The following PDE3B variants were observed in gnomAD, a reference collection of about 807,000 sequenced individuals.
PDE3B encodes phosphodiesterase 3B, also known as cGMP-inhibited 3',5'-cyclic phosphodiesterase 3B.
A neutral mutation model predicts 116.8 loss-of-function variants in PDE3B; 66 were observed. The ratio of observed to expected loss-of-function variants is 0.56; its 90% CI spans 0.46 to 0.69. PDE3B has a LOEUF of 0.69. Ranked by LOEUF, PDE3B falls within the 30% of genes least tolerant of loss-of-function variation. The probability of loss-of-function intolerance (pLI) is 0.00; values close to 1 mark genes in which losing one functional copy is unlikely to be tolerated. For synonymous variants in PDE3B, 595 were observed against 533.6 expected (o/e 1.12, Z -1.59); for missense variants, 1,384 against 1,368.1 (o/e 1.01, Z -0.18).
At chr11:14,769,221 G>A (rs1353419050) in intron 1 of PDE3B, among the ~76,000 whole-genome samples, 1 of 151,368 alleles carries the variant, frequency 6.6e-6, no homozygotes, top group African/African-American at 2.4e-5. Flanking sequence ...GAGATGGTCT[G>A]TAATATTGTA....
At chr11:14,767,726 T>C (rs1193853158) in intron 1 of PDE3B, among the ~76,000 whole-genome samples, 1 of 151,436 alleles carries the variant, frequency 6.6e-6, no homozygotes, top group East Asian at 1.9e-4. Flanking sequence ...AAATTAACCT[T>C]ATAGTTCACA....
intron 2 of PDE3B, among the ~76,000 whole-genome samples, chr11:14,779,997 A>G (rs950310184): frequency 6.6e-5 from 10 of 152,108 alleles, no homozygotes; most frequent in African/African-American, 2.2e-4. Flanking sequence ...GGAAAAAAAA[A>G]AAAAAAGCAG....
chr11:14,758,153 A>G (rs1423136421), intron 1 of PDE3B, among the ~76,000 whole-genome samples: 2 of 152,112 alleles, frequency 1.3e-5, no homozygotes, highest in Admixed American at 6.5e-5. Context: ...GTTCTTTTCC[A>G]TTGATCTATA....
chr11:14,770,084 A>G (rs923813900), intron 1 of PDE3B, among the ~76,000 whole-genome samples: 2 of 151,318 alleles, frequency 1.3e-5, no homozygotes, highest in Non-Finnish European at 3.0e-5. Context: ...TCTCTGTTTG[A>G]TGGTATTATT....
chr11:14,681,851 A>C (rs1854720296), intron 1 of PDE3B, among the ~76,000 whole-genome samples: 1 of 152,112 alleles, frequency 6.6e-6, no homozygotes, highest in Non-Finnish European at 1.5e-5. Context: ...ATAATGCAGC[A>C]AGGTGGAAGT....
chr11:14,644,947 C>T lies in PDE3B; in HGVS notation c.872C>T (p.Pro291Leu), dbSNP rs1400691471. Residue 291 changes from proline to leucine, a missense_variant, in exon 1 of 16, where the codon CCC becomes CTC. Coordinates refer to ENST00000282096, the MANE Select transcript of PDE3B (RefSeq NM_000922.4). Reference protein sequence around the residue: ...AAEEKVPVIRPRRRSSCVSLG... With the variant: ...AAEEKVPVIRLRRRSSCVSLG... The stretch of plus-strand genomic sequence containing the variant: ...GAAGAAAAAGTGCCTGTGATCCGAC[C>T]CCGGAGGAGGTCCAGCTGCGTGTCG... 1.2e-6 allele frequency: 2 copies of T among 1,614,042 alleles called. No homozygotes were observed. Among genetic ancestry groups the T allele is most frequent in the South Asian group, 1.1e-5 (1 of 91,086 alleles).
At chr11:14,832,560 T>C (rs1348200057) in intron 9 of PDE3B, among the ~76,000 whole-genome samples, 162 bp from the exon 10 acceptor site, 2 of 152,158 alleles carry the variant, frequency 1.3e-5, no homozygotes, top group African/African-American at 4.8e-5. Context: ...TCCATTCTGA[T>C]TTTTTTGAAA....
At chr11:14,649,759 C>T (rs1853514984) in intron 1 of PDE3B, among the ~76,000 whole-genome samples, 1 of 152,084 alleles carries the variant, frequency 6.6e-6, no homozygotes, top group Non-Finnish European at 1.5e-5. Flanking sequence ...ACCTACATAA[C>T]ATTTATTTTA....
chr11:14,748,403 C>G (rs986477282), intron 1 of PDE3B, among the ~76,000 whole-genome samples: 1 of 152,132 alleles, frequency 6.6e-6, no homozygotes, highest in African/African-American at 2.4e-5. Context: ...TCTCAGAAAC[C>G]TGAAGTCTTT....
At chr11:14,723,263 A>C (rs1173984618) in intron 1 of PDE3B, among the ~76,000 whole-genome samples, 1 of 152,200 alleles carries the variant, frequency 6.6e-6, no homozygotes, top group Non-Finnish European at 1.5e-5. Context: ...TGAGGTATAG[A>C]AATTCATGTG....
At chr11:14,799,423 A>G (rs1215271674) in intron 4 of PDE3B, among the ~76,000 whole-genome samples, 1 of 152,160 alleles carries the variant, frequency 6.6e-6, no homozygotes, top group Non-Finnish European at 1.5e-5. Flanking sequence ...TTTGGGGTGG[A>G]GAGTTCTGTA....
chr11:14,843,538 A>G (rs1847519510), intron 11 of PDE3B, among the ~76,000 whole-genome samples: 1 of 152,186 alleles, frequency 6.6e-6, no homozygotes, highest in African/African-American at 2.4e-5. Context: ...TATTTAGAAA[A>G]TCAGAGGTTT....
At position 14,794,178 on chromosome 11, in the gene PDE3B, C is replaced by T. The variant is rs115431643; in HGVS notation, c.1415+4936C>T. Reference sequence around the variant, plus strand: ...AACAAACTCAATTTCTTCCACCATACTCTGACAGCACATTTCTGATACCAG... The same window carrying T: ...AACAAACTCAATTTCTTCCACCATATTCTGACAGCACATTTCTGATACCAG... On this transcript the variant is annotated intron_variant, in intron 4 of 15. Transcript: ENST00000282096. Among the ~76,000 whole-genome samples, 809 of 152,324 alleles carry T rather than the reference C, an allele frequency of 5.3e-3. 8 individuals are homozygous for T. The highest frequency in any genetic ancestry group is 0.018 in the African/African-American group (769 of 41,572).
chr11:14,802,366 G>A (rs189947905), intron 4 of PDE3B, among the ~76,000 whole-genome samples: 176 of 152,192 alleles, frequency 1.2e-3, no homozygotes, highest in African/African-American at 4.1e-3. Flanking sequence ...TGTTCCTCAC[G>A]GCACAGTTCC....
chr11:14,742,899 C>G (rs1845726230), intron 1 of PDE3B, among the ~76,000 whole-genome samples: 1 of 152,114 alleles, frequency 6.6e-6, no homozygotes, highest in South Asian at 2.1e-4. Context: ...GGAGAGGCTG[C>G]AGAACAGTAA....
chr11:14,782,213 C>T (rs559226326), intron 2 of PDE3B, among the ~76,000 whole-genome samples: 20 of 152,262 alleles, frequency 1.3e-4, no homozygotes, highest in African/African-American at 4.8e-4. Flanking sequence ...CAATGCCATC[C>T]CCAACAAGCT....
At chr11:14,721,504 G>A (rs1458583354) in intron 1 of PDE3B, among the ~76,000 whole-genome samples, 1 of 151,700 alleles carries the variant, frequency 6.6e-6, no homozygotes, top group East Asian at 1.9e-4. Context: ...ATTCACAATA[G>A]CAAAGACTTG....
Position 14,683,713 on chromosome 11 carries a change from A to G in PDE3B, c.978+38660A>G, listed in dbSNP as rs149747283. Among the ~76,000 whole-genome samples the G allele has an allele frequency of 1.9e-3, 286 of 151,044 alleles. 1 individual carries two copies. Among genetic ancestry groups the G allele is most frequent in the African/African-American group, 6.4e-3 (262 of 41,150 alleles). On this transcript the variant is annotated intron_variant, in intron 1 of 15. Coordinates refer to ENST00000282096, the MANE Select transcript of PDE3B (RefSeq NM_000922.4). The stretch of plus-strand genomic sequence containing the variant: ...TATTTCTTTTTTTTCTGCTTGCTTT[A>G]GGTTTATTTTGTTCTTCTTTTCCTA...
chr11:14,654,911 A>G (rs1853667968), intron 1 of PDE3B, among the ~76,000 whole-genome samples: 1 of 151,376 alleles, frequency 6.6e-6, no homozygotes, highest in Non-Finnish European at 1.5e-5. Context: ...GAATTGAGGG[A>G]AAAAAGGAGA....
Sources: allele counts gnomAD v4.1 joint callset (sites outside exome capture counted in the v4.1 genomes callset), GRCh38; gene constraint gnomAD v4.1.1; transcripts MANE v1.5; gene names NCBI Gene and HGNC (gene_info 2026-07-23, HGNC 2026-07-21).